The following ST18 variants were observed in gnomAD, a reference collection of about 807,000 sequenced individuals.
ST18 encodes ST18 C2H2C-type zinc finger transcription factor, also known as suppression of tumorigenicity 18 protein.
ST18 carries 50 observed loss-of-function variants against 110.0 expected under a neutral mutation model. The ratio of observed to expected loss-of-function variants is 0.45; its 90% confidence interval spans 0.36 to 0.58. ST18 has a LOEUF of 0.58. ST18 is among the 20% of genes least tolerant of loss of function. The probability of loss-of-function intolerance (pLI) is 0.00; values close to 1 mark genes in which losing one functional copy is unlikely to be tolerated. For synonymous variants in ST18, 461 were observed against 452.4 expected, an observed-to-expected ratio of 1.02 and a Z score of -0.24; for missense variants, 1,306 against 1,280.1, an observed-to-expected ratio of 1.02 and a Z score of -0.31.
In ST18 at chr8:52,242,336, C is replaced by A. The variant is rs914527660; in HGVS notation, c.-464-12259G>T. Among the ~76,000 whole-genome samples the A allele has an allele frequency of 2.6e-5, 4 of 152,190 alleles. No homozygotes were observed. In the East Asian group the frequency reaches 7.7e-4, roughly 29 times the overall value. On this transcript the variant is annotated intron_variant, in intron 2 of 25. Transcript: ENST00000689386. ...CATAGAGTAAAAGCACAGAGGCAGA[C>A]TGTTGGGTGGCTGCACACCCCCTCT... is the stretch of plus-strand genomic sequence containing the variant.
At chr8:52,285,304 A>T (rs1206323936) in intron 2 of ST18, among the ~76,000 whole-genome samples, 2 of 152,198 alleles carry the variant, frequency 1.3e-5, no homozygotes, top group African/African-American at 4.8e-5. Flanking sequence ...TTTTACTCTT[A>T]AAAAATAAAG....
chr8:52,240,442 G>C (rs569761411), intron 2 of ST18, among the ~76,000 whole-genome samples: 2 of 152,034 alleles, frequency 1.3e-5, no homozygotes, highest in Non-Finnish European at 2.9e-5. Context: ...GGCTTATAAA[G>C]GTGTCTCAAT....
At chr8:52,155,354 T>C (rs1197390368) in intron 15 of ST18, among the ~76,000 whole-genome samples, 1 of 152,240 alleles carries the variant, frequency 6.6e-6, no homozygotes, top group Non-Finnish European at 1.5e-5. Flanking sequence ...GTAGGCAATA[T>C]TGGTGGTACA....
intron 2 of ST18, among the ~76,000 whole-genome samples, chr8:52,332,580 C>T (rs1211212293): frequency 1.3e-4 from 17 of 131,368 alleles, no homozygotes; most frequent in East Asian, 2.2e-4. Context: ...AGGCCGGGCA[C>T]GGTGGCTCAA....
intron 2 of ST18, among the ~76,000 whole-genome samples, chr8:52,240,883 G>A (rs1000411561): frequency 6.6e-6 from 1 of 152,106 alleles, no homozygotes; most frequent in Admixed American, 6.6e-5. Context: ...ACACCCAAAG[G>A]TGTATTTCTT....
At chr8:52,374,572 C>G (rs1262769040) in intron 2 of ST18, among the ~76,000 whole-genome samples, 1 of 151,530 alleles carries the variant, frequency 6.6e-6, no homozygotes, top group Non-Finnish European at 1.5e-5. Context: ...GCAGGATGTA[C>G]AGGTTTGTTA....
At chr8:52,141,919 A>G (rs1314999103) in intron 17 of ST18, among the ~76,000 whole-genome samples, 2 of 152,172 alleles carry the variant, frequency 1.3e-5, no homozygotes, top group African/African-American at 4.8e-5. Context: ...GGGTCCCAGG[A>G]CGGAGATCAG....
At chr8:52,204,787 C>T (rs2079334021) in intron 8 of ST18, among the ~76,000 whole-genome samples, 1 of 152,086 alleles carries the variant, frequency 6.6e-6, no homozygotes, top group South Asian at 2.1e-4. Flanking sequence ...GATATTTTGC[C>T]ACAGTTTTAG....
intron 2 of ST18, among the ~76,000 whole-genome samples, chr8:52,346,561 C>A (rs1461666631): frequency 1.3e-5 from 2 of 152,206 alleles, no homozygotes; most frequent in Non-Finnish European, 2.9e-5. Context: ...CATGTCAGAG[C>A]ATCACGAGCT....
intron 2 of ST18, among the ~76,000 whole-genome samples, chr8:52,295,856 G>T (rs1418680402): frequency 6.6e-6 from 1 of 151,584 alleles, no homozygotes; most frequent in Non-Finnish European, 1.5e-5. Context: ...TCTTATTATT[G>T]TTAAGCCAGC....
chr8:52,135,568 C>CAAAAAAAAAAAA (rs71252929), intron 19 of ST18, among the ~76,000 whole-genome samples: 5 of 56,154 alleles, frequency 8.9e-5, no homozygotes, highest in East Asian at 7.8e-4. Flanking sequence ...AACTCCATCT[C>CAAAAAAAAAAAA]AAAAAAAAAA....
intron 2 of ST18, among the ~76,000 whole-genome samples, chr8:52,383,712 G>T (rs913639841): frequency 1.3e-5 from 2 of 152,142 alleles, no homozygotes; most frequent in African/African-American, 4.8e-5. Context: ...TTCCCAAAGT[G>T]CTGGGATTAC....
At chr8:52,278,128 A>G (rs528735915) in intron 2 of ST18, among the ~76,000 whole-genome samples, 1 of 152,330 alleles carries the variant, frequency 6.6e-6, no homozygotes, top group East Asian at 1.9e-4. Context: ...TGCCTTGCTT[A>G]TCTTGAGCTG....
chr8:52,226,839 T>A (rs1206501633), intron 3 of ST18, among the ~76,000 whole-genome samples: 1 of 152,248 alleles, frequency 6.6e-6, no homozygotes, highest in Non-Finnish European at 1.5e-5. Flanking sequence ...ATTTAAGCTA[T>A]TTCATTATGT....
chr8:52,393,144 C>T (rs1425780213), intron 2 of ST18, among the ~76,000 whole-genome samples: 1 of 152,144 alleles, frequency 6.6e-6, no homozygotes, highest in Non-Finnish European at 1.5e-5. Context: ...CTCCTGAGAA[C>T]CCTGAAACCC....
intron 3 of ST18, among the ~76,000 whole-genome samples, chr8:52,226,000 T>C (rs1441743079): frequency 6.6e-6 from 1 of 152,186 alleles, no homozygotes; most frequent in Non-Finnish European, 1.5e-5. Flanking sequence ...TAAAGGCTGG[T>C]GAGCTGAAGG....
intron 2 of ST18, among the ~76,000 whole-genome samples, chr8:52,384,232 A>C (rs1835684302): frequency 6.6e-6 from 1 of 152,142 alleles, no homozygotes; most frequent in African/African-American, 2.4e-5. Flanking sequence ...TTTTTTATGG[A>C]AATCAAAGCA....
chr8:52,326,592 C>A (rs1190554560), intron 2 of ST18, among the ~76,000 whole-genome samples: 1 of 152,120 alleles, frequency 6.6e-6, no homozygotes, highest in Non-Finnish European at 1.5e-5. Context: ...TCAATGGTGC[C>A]TCCTGTATCA....
Position 52,171,961 on chromosome 8 carries a change from C to A in ST18, c.900G>T (p.Lys300Asn). 4 of 1,614,218 alleles carry A rather than the reference C, an allele frequency of 2.5e-6. No homozygotes were observed. Among genetic ancestry groups the A allele is most frequent in the Non-Finnish European group, 3.4e-6 (4 of 1,180,042 alleles). The change falls in exon 10 of 26, where the codon AAG (lysine) becomes AAT (asparagine). Residue 300 changes from lysine (K) to asparagine (N), a missense_variant. Lys to Asn is a moderately conservative substitution (Grantham distance 94). Transcript: ENST00000689386. Reference sequence around the variant, plus strand: ...CCTGCTCCAGCAAACTTAAATTCCCCTTGGCCTTTTCCAGGTCACTACCCT... The same window carrying A: ...CCTGCTCCAGCAAACTTAAATTCCCATTGGCCTTTTCCAGGTCACTACCCT... ...TEEGSDLEKA[K>N]GNLSLLEQAI...
Sources: gnomAD v4.1 joint callset for allele counts (sites outside exome capture counted in the v4.1 genomes callset) on GRCh38, gnomAD v4.1.1 for gene constraint, MANE v1.5 for transcripts, NCBI Gene and HGNC (gene_info 2026-07-23, HGNC 2026-07-21) for gene names.